PID1: variants seen among roughly 807,000 people sequenced by gnomAD.
PID1 encodes PTB-containing, cubilin and LRP1-interacting protein.
In PID1, 10 loss-of-function variants were observed where a neutral mutation model predicts 19.1. The observed-to-expected ratio is 0.52, with a 90% confidence interval of 0.32 to 0.89. The LOEUF is 0.89. PID1 is among the 40% of genes least tolerant of loss of function. The pLI, the probability that PID1 is intolerant of heterozygous loss-of-function variation, is 0.03. For missense variants in PID1, 248 were observed against 285.3 expected, an observed-to-expected ratio of 0.87 and a Z score of 0.94; for synonymous variants, 130 against 116.0, an observed-to-expected ratio of 1.12 and a Z score of -0.78.
At chr2:229,065,287 T>TTAGAC (rs1346463120) in intron 2 of PID1, among the ~76,000 whole-genome samples, 1 of 152,134 alleles carries the variant, frequency 6.6e-6, no homozygotes, top group Non-Finnish European at 1.5e-5. Flanking sequence ...AGTCTAGTTT[T>TTAGAC]TAGGTGGGGC....
chr2:229,213,177 G>A (rs1348961675), intron 1 of PID1, among the ~76,000 whole-genome samples: 14 of 152,170 alleles, frequency 9.2e-5, no homozygotes, highest in African/African-American at 3.1e-4. Flanking sequence ...AACCCTCTAA[G>A]CCTCCATTTG....
intron 1 of PID1, among the ~76,000 whole-genome samples, chr2:229,202,600 T>A (rs1691522378): frequency 6.6e-6 from 1 of 152,046 alleles, no homozygotes; most frequent in Non-Finnish European, 1.5e-5. Context: ...CATACCAGCC[T>A]CAGGTAAGGC....
chr2:229,083,089 T>C (rs1182354696), intron 2 of PID1, among the ~76,000 whole-genome samples: 1 of 152,108 alleles, frequency 6.6e-6, no homozygotes, highest in East Asian at 1.9e-4. Flanking sequence ...AAAAAGCACA[T>C]TGAAGAATGA....
chr2:229,260,348 T>C (rs74001803), intron 1 of PID1, among the ~76,000 whole-genome samples: 2 of 151,898 alleles, frequency 1.3e-5, no homozygotes, highest in Non-Finnish European at 2.9e-5. Flanking sequence ...TAAATTATAG[T>C]CCAGCTTCAC....
chr2:229,100,652 T>A (rs1451837948), intron 2 of PID1, among the ~76,000 whole-genome samples: 1 of 152,138 alleles, frequency 6.6e-6, no homozygotes, highest in Non-Finnish European at 1.5e-5. Context: ...TGCCCACCCA[T>A]AAGGATGCAG....
intron 1 of PID1, among the ~76,000 whole-genome samples, chr2:229,243,427 C>A (rs1689924836): frequency 6.6e-6 from 1 of 152,186 alleles, no homozygotes; most frequent in East Asian, 1.9e-4. Flanking sequence ...TATAATTCCC[C>A]ACTCTGCTTT....
At chr2:229,239,179 C>A (rs146791008) in intron 1 of PID1, among the ~76,000 whole-genome samples, 16 of 152,272 alleles carry the variant, frequency 1.1e-4, no homozygotes, top group African/African-American at 3.6e-4. Flanking sequence ...TGCTGGGCTG[C>A]ACTCCCAGAG....
chr2:229,103,571 ATTTTTTTTTTTT>A (rs60510809), intron 2 of PID1, among the ~76,000 whole-genome samples: 2 of 76,236 alleles, frequency 2.6e-5, no homozygotes, highest in African/African-American at 1.0e-4. Context: ...ATATGCTGGA[ATTTTTTTTTTTT>A]TTTTTTTTTT....
intron 1 of PID1, among the ~76,000 whole-genome samples, chr2:229,238,945 T>C (rs971961941): frequency 1.3e-5 from 2 of 152,148 alleles, no homozygotes; most frequent in Non-Finnish European, 2.9e-5. Context: ...ATATTACCAC[T>C]AATTATTGTT....
At position 229,107,503 on chromosome 2, in the gene PID1, C is replaced by CA. The variant is rs36057425; in HGVS notation, c.177+48314dup. 3.3e-3 allele frequency among the ~76,000 whole-genome samples: 399 copies of CA among 119,174 alleles called. 2 individuals carry two copies. Among genetic ancestry groups the CA allele is most frequent in the East Asian group, 0.01 (44 of 4,242 alleles). The allele number at this position is 119,174 out of a possible 152,430, so 78.2% of individuals were successfully genotyped here. ...TCTCCTTTCACTCTAAATATATCAC[C>CA]AAAAAAAAAAAAAAAAAGAAAAAAG... On this transcript the variant is annotated intron_variant, in intron 2 of 2. Transcript: ENST00000392055.
intron 1 of PID1, among the ~76,000 whole-genome samples, chr2:229,269,415 A>T (rs986380858): frequency 1.1e-4 from 16 of 152,248 alleles, no homozygotes; most frequent in Admixed American, 9.8e-4. Context: ...GGATTCCCTA[A>T]GTGAAACAGG....
chr2:229,074,180 C>T (rs1276515313), intron 2 of PID1, among the ~76,000 whole-genome samples: 3 of 152,048 alleles, frequency 2.0e-5, no homozygotes, highest in African/African-American at 4.8e-5. Flanking sequence ...GAAGCTTCAA[C>T]AAATGCCACA....
In PID1 at chr2:229,217,500, G is replaced by T. The variant is rs552974327; in HGVS notation, c.30+53514C>A. Among the ~76,000 whole-genome samples the T allele has an allele frequency of 1.4e-4, 21 of 152,296 alleles. No homozygotes were observed. The South Asian group carries it at 4.3e-3, about 32-fold the overall frequency. The stretch of plus-strand genomic sequence containing the variant: ...CAGAAAATGGAGAGAGATGGAGGGT[G>T]AGAGAGGAGCAGGTGGCTCCACCTG... On this transcript the variant is annotated intron_variant, in intron 1 of 2. Coordinates refer to ENST00000392055, the MANE Select transcript of PID1 (RefSeq NM_001100818.2).
In PID1 at chr2:229,025,925, C is replaced by T. The variant is rs374938855; in HGVS notation, c.361G>A (p.Ala121Thr). 2.5e-6 allele frequency: 4 copies of T among 1,614,006 alleles called. No homozygotes were observed. In the South Asian group the frequency reaches 4.4e-5, roughly 18 times the overall value. The change falls in exon 3 of 3, where the codon GCC becomes ACC. Residue 121 changes from alanine to threonine, a missense_variant. Transcript: ENST00000392055. The stretch of plus-strand genomic sequence containing the variant: ...TGGAAGGTATCCATGTGCACTGTGG[C>T]CTCCCCTTTGTGGTCGAGATGATGG... Reference protein sequence around the residue: ...WLHHLDHKGEATVHMDTFQVA... With the variant: ...WLHHLDHKGETTVHMDTFQVA...
chr2:229,036,402 C>T, intron 2 of PID1, among the ~76,000 whole-genome samples: 1 of 152,172 alleles, frequency 6.6e-6, no homozygotes, highest in East Asian at 1.9e-4. Flanking sequence ...GAGTGAGTCT[C>T]TGATACCATT....
chr2:229,154,566 T>C (rs913486523), intron 2 of PID1, among the ~76,000 whole-genome samples: 1 of 152,140 alleles, frequency 6.6e-6, no homozygotes, highest in African/African-American at 2.4e-5. Flanking sequence ...CCAATGAGTA[T>C]GTGTGGAATG....
At chr2:229,255,694 TG>T (rs1690273483) in intron 1 of PID1, among the ~76,000 whole-genome samples, 1 of 152,108 alleles carries the variant, frequency 6.6e-6, no homozygotes, top group Admixed American at 6.5e-5. Flanking sequence ...TTGCCTGGCG[TG>T]GGATATGTAG....
intron 2 of PID1, among the ~76,000 whole-genome samples, chr2:229,040,317 CAACAAACAAACAAACA>C (rs113818466): frequency 6.6e-6 from 1 of 150,856 alleles, no homozygotes; most frequent in African/African-American, 2.4e-5. Context: ...AAGACATCGT[CAACAAACAAACAAACA>C]AACAAACAAA....
chr2:229,099,146 C>A (rs1296041574), intron 2 of PID1, among the ~76,000 whole-genome samples: 1 of 152,108 alleles, frequency 6.6e-6, no homozygotes, highest in Non-Finnish European at 1.5e-5. Flanking sequence ...GACCAACATG[C>A]CCCTGAACCC....
Sources: gnomAD v4.1 joint callset for allele counts (sites outside exome capture counted in the v4.1 genomes callset) on GRCh38, gnomAD v4.1.1 for gene constraint, MANE v1.5 for transcripts, NCBI Gene and HGNC (gene_info 2026-07-23, HGNC 2026-07-21) for gene names.